MMEL1: variants seen among roughly 807,000 people sequenced by gnomAD.
MMEL1 encodes membrane metallo-endopeptidase-like 1.
In MMEL1, 98 loss-of-function variants were observed where a neutral mutation model predicts 117.1. That is an observed-to-expected ratio of 0.84 (90% CI 0.71 to 0.99). The LOEUF is 0.99. MMEL1 is among the 50% of genes least tolerant of loss of function. The probability of loss-of-function intolerance (pLI) is 0.00; values close to 1 mark genes in which losing one functional copy is unlikely to be tolerated. For missense variants in MMEL1, 1,014 were observed against 1,049.1 expected (o/e 0.97, Z 0.46); for synonymous variants, 390 against 415.1 (o/e 0.94, Z 0.74).
intron 2 of MMEL1, among the ~76,000 whole-genome samples, chr1:2,629,129 G>C (rs1005358678): frequency 7.6e-4 from 115 of 152,232 alleles, no homozygotes; most frequent in African/African-American, 2.7e-3. Flanking sequence ...GGGACCGCGG[G>C]CTCCCTGCAG....
chr1:2,625,393 G>C (rs1037658686), intron 2 of MMEL1, among the ~76,000 whole-genome samples: 1 of 152,170 alleles, frequency 6.6e-6, no homozygotes, highest in Non-Finnish European at 1.5e-5. Context: ...TCCAGAACAG[G>C]AGCAGGCTCT....
chr1:2,598,653 C>G lies in MMEL1; in HGVS notation c.1178+1G>C. The G allele has an allele frequency of 1.2e-6, 2 of 1,614,014 alleles. No homozygotes were observed. The highest frequency in any genetic ancestry group is 1.7e-6 in the Non-Finnish European group (2 of 1,179,972). On this transcript the variant is annotated splice_donor_variant, in intron 12 of 23. Coordinates refer to ENST00000378412, the MANE Select transcript of MMEL1 (RefSeq NM_033467.4). LOFTEE classifies it high-confidence loss of function. Reference sequence around the variant, plus strand: ...CTTTGGAGACCCTCCCTGGGCCTCACCTGGCTGAGTAGGTGTCGATGATGT... The same window carrying G: ...CTTTGGAGACCCTCCCTGGGCCTCAGCTGGCTGAGTAGGTGTCGATGATGT...
At chr1:2,615,728 T>C (rs1645190783) in intron 2 of MMEL1, among the ~76,000 whole-genome samples, 1 of 152,224 alleles carries the variant, frequency 6.6e-6, no homozygotes, top group East Asian at 1.9e-4. Flanking sequence ...TATTTTGCAA[T>C]GCTTCTGTAA....
chr1:2,592,606 ACGCCCCCTCCCCTGCCG>A (rs777995220), intron 21 of MMEL1, 32 bp downstream of exon 21: 1 of 115,932 alleles, frequency 8.6e-6, no homozygotes, highest in African/African-American at 5.2e-4. Flanking sequence ...TGCCGCGCTG[ACGCCCCCTCCCCTGCCG>A]CGCTGACGCC....
At chr1:2,611,547 G>T (rs544384909) in intron 3 of MMEL1, 187 of 518,558 alleles carry the variant, frequency 3.6e-4, no homozygotes, top group Middle Eastern at 1.5e-3. Flanking sequence ...GGTGGGGGTG[G>T]GGTGTGGCCC....
In MMEL1 at chr1:2,591,055, C is replaced by T. The variant is rs768660642; in HGVS notation, c.2275G>A (p.Ala759Thr). Residue 759 changes from alanine to threonine, a missense_variant, in exon 24 of 24, where the codon GCA becomes ACA. Ala to Thr is a moderately conservative substitution (Grantham distance 58, BLOSUM62 0). Transcript: ENST00000378412. ...CCCCGGGCACAGTGGAACGTGTCTG[C>T]GAAGGCGGCCAGGTTCTGCAGCGAC... The part of the protein sequence containing the change: ...LGSLQNLAAF[A>T]DTFHCARGTP... The T allele has an allele frequency of 2.1e-5, 34 of 1,605,682 alleles. No homozygotes were observed. The highest frequency in any genetic ancestry group is 4.5e-5 in the South Asian group (4 of 89,408).
At chr1:2,631,515 C>T (rs1638578802) in intron 1 of MMEL1, among the ~76,000 whole-genome samples, 1 of 152,050 alleles carries the variant, frequency 6.6e-6, no homozygotes, top group African/African-American at 2.4e-5. Context: ...CTCATTTCAG[C>T]GACTCCTCCA....
chr1:2,629,513 C>A lies in MMEL1; in HGVS notation c.-29G>T. 6 of 1,440,564 alleles carry A rather than the reference C, an allele frequency of 4.2e-6. No individual in the cohort carries two copies. Among genetic ancestry groups the A allele is most frequent in the Non-Finnish European group, 4.6e-6 (5 of 1,094,348 alleles). The allele number at this position is 1,440,564 out of a possible 1,614,324, so 89.2% of individuals were successfully genotyped here. On this transcript the variant is annotated 5_prime_UTR_variant, in exon 2 of 24. Coordinates refer to ENST00000378412, the MANE Select transcript of MMEL1 (RefSeq NM_033467.4). ...CAGGGCTCTGGACGGGAGAGCACCG[C>A]GGAGGAACCTGCAGGCCCAGGGCAG... is the stretch of plus-strand genomic sequence containing the variant.
chr1:2,596,315 C>T (rs910365296), intron 14 of MMEL1, among the ~76,000 whole-genome samples: 23 of 152,096 alleles, frequency 1.5e-4, no homozygotes, highest in African/African-American at 5.3e-4. Flanking sequence ...TGTGGGTCCT[C>T]GTGGGCCAGG....
Position 2,606,027 on chromosome 1 carries a change from C to T in MMEL1, c.750+221G>A, listed in dbSNP as rs1407711547. Among the ~76,000 whole-genome samples, 6 of 152,314 alleles carry T rather than the reference C, an allele frequency of 3.9e-5. No homozygotes were observed. In the East Asian group the frequency reaches 7.7e-4, roughly 20 times the overall value. On this transcript the variant is annotated intron_variant, in intron 8 of 23. Transcript: ENST00000378412. Reference sequence around the variant, plus strand: ...GAGCCCCCGCCCCTCTGACCAGAACCGGGTTCTACTGTGGCCCCCAGCTTG... The same window carrying T: ...GAGCCCCCGCCCCTCTGACCAGAACTGGGTTCTACTGTGGCCCCCAGCTTG...
intron 2 of MMEL1, among the ~76,000 whole-genome samples, chr1:2,625,134 C>T (rs927140025): frequency 6.6e-6 from 1 of 152,134 alleles, no homozygotes; most frequent in African/African-American, 2.4e-5. Flanking sequence ...TATCATTCTG[C>T]CCCCAGCCCC....
intron 6 of MMEL1, 113 bp downstream of exon 6, chr1:2,609,226 C>A: frequency 9.8e-7 from 1 of 1,018,646 alleles, no homozygotes. Context: ...GTCCTAAAGG[C>A]ACCCACTCCT....
intron 18 of MMEL1, 102 bp from the exon 19 acceptor site, chr1:2,594,035 C>T (rs1169779981): frequency 4.3e-6 from 6 of 1,411,224 alleles, no homozygotes; most frequent in Non-Finnish European, 5.6e-6. Flanking sequence ...CTTGATCCCA[C>T]AGACCGGGAG....
chr1:2,623,990 C>T (rs925424193), intron 2 of MMEL1, among the ~76,000 whole-genome samples: 11 of 152,308 alleles, frequency 7.2e-5, no homozygotes, highest in African/African-American at 2.6e-4. Context: ...AGTCTCCTGC[C>T]TCTAGAGGAG....
intron 2 of MMEL1, among the ~76,000 whole-genome samples, chr1:2,617,203 G>A (rs893829197): frequency 2.6e-5 from 4 of 152,056 alleles, no homozygotes; most frequent in Non-Finnish European, 4.4e-5. Flanking sequence ...CGAGGCGGGC[G>A]GATCACGAGG....
In MMEL1 at chr1:2,595,628, G is replaced by T. The variant is rs939560867; in HGVS notation, c.1501-269C>A. 6.6e-6 allele frequency among the ~76,000 whole-genome samples: 1 copy of T among 152,140 alleles called. No homozygotes were observed. The highest frequency in any genetic ancestry group is 2.4e-5 in the African/African-American group (1 of 41,436). On this transcript the variant is annotated intron_variant, in intron 15 of 23. Transcript: ENST00000378412. This position sits in a 1 kb window ranked among gnomAD's most constrained non-coding sequence, Gnocchi z 4.8. ...CGCCAGGGGTCCGGGTGGGGGCAGGGGCCCTGGAGGGGTCACTCGGCTGCC... is the reference window on the plus strand; with the variant it reads ...CGCCAGGGGTCCGGGTGGGGGCAGGTGCCCTGGAGGGGTCACTCGGCTGCC...
In MMEL1 at chr1:2,607,000, G is replaced by A. The variant is rs754099706; in HGVS notation, c.605C>T (p.Ala202Val). 6.8e-6 allele frequency: 11 copies of A among 1,613,166 alleles called. No homozygotes were observed. Among genetic ancestry groups the A allele is most frequent in the South Asian group, 5.5e-5 (5 of 91,086 alleles). The stretch of plus-strand genomic sequence containing the variant: ...TACGGTCTCGTTCCACCTGTCCATC[G>A]CCACCGGCCAGCCTCCCACCACCTC... Reference protein sequence around the residue: ...ILEVVGGWPVAMDRWNETVGL... With the variant: ...ILEVVGGWPVVMDRWNETVGL... Residue 202 changes from alanine (A) to valine (V), a missense_variant, in exon 7 of 24, where the codon GCG (alanine) becomes GTG (valine). Ala to Val is a moderately conservative substitution (Grantham distance 64). Transcript: ENST00000378412.
At chr1:2,608,850 T>C (rs958035766) in intron 6 of MMEL1, among the ~76,000 whole-genome samples, 5 of 152,010 alleles carry the variant, frequency 3.3e-5, no homozygotes, top group Non-Finnish European at 7.4e-5. Context: ...ACAACACATG[T>C]ACCCACATGT....
chr1:2,596,687 C>T lies in MMEL1; in HGVS notation c.1275G>A (p.Ala425=), dbSNP rs146652643. ...CCTCCTCCACCATTGTGCCAAACAG[C>T]GCCTGGTGGGGCCACCCGATCATCC... ...FKDTRVNYRK[A]LFGTMVEEVR... The change falls in exon 14 of 24, where the codon GCG becomes GCA. Residue 425 remains alanine, a splice_region_variant and synonymous_variant. Coordinates refer to ENST00000378412, the MANE Select transcript of MMEL1 (RefSeq NM_033467.4). 195 of 1,612,192 alleles carry T rather than the reference C, an allele frequency of 1.2e-4. No individual in the cohort carries two copies. In the African/African-American group the frequency reaches 1.4e-3, roughly 11 times the overall value.
Sources: gnomAD v4.1 joint callset for allele counts (sites outside exome capture counted in the v4.1 genomes callset) on GRCh38, gnomAD v4.1.1 for gene constraint, Gnocchi (gnomAD v3.1) non-coding constraint, MANE v1.5 for transcripts, NCBI Gene and HGNC (gene_info 2026-07-23, HGNC 2026-07-21) for gene names.